Variants in PSD3 observed in about 807,000 individuals in gnomAD.
PSD3 encodes the protein PH and SEC7 domain-containing protein 3.
Under a neutral mutation model 105.5 loss-of-function variants are expected in PSD3, and 49 were observed. That is an observed-to-expected ratio of 0.46 (90% CI 0.37 to 0.59). The LOEUF is 0.59. PSD3 is among the 20% of genes least tolerant of loss of function. PSD3 has a pLI of 0.00. For synonymous variants in PSD3, 557 were observed against 457.8 expected (o/e 1.22, Z -2.77); for missense variants, 1,561 against 1,263.8 (o/e 1.24, Z -3.57).
At chr8:18,714,090 G>C (rs958841675) in intron 9 of PSD3, among the ~76,000 whole-genome samples, 1 of 152,106 alleles carries the variant, frequency 6.6e-6, no homozygotes, top group Non-Finnish European at 1.5e-5. Context: ...GCATAAAATT[G>C]AAACTGTACC....
At chr8:18,674,551 G>A (rs1378567301) in intron 9 of PSD3, among the ~76,000 whole-genome samples, 2 of 152,210 alleles carry the variant, frequency 1.3e-5, no homozygotes, top group Non-Finnish European at 2.9e-5. Context: ...TAATTTAAGA[G>A]TTAAGTTTTT....
intron 7 of PSD3, among the ~76,000 whole-genome samples, chr8:18,800,666 T>G (rs916640819): frequency 6.6e-6 from 1 of 152,194 alleles, no homozygotes; most frequent in African/African-American, 2.4e-5. Flanking sequence ...GTCACTTACT[T>G]TGTAAAAATA....
intron 1 of PSD3, among the ~76,000 whole-genome samples, chr8:18,966,464 G>A (rs374661388): frequency 1.2e-3 from 181 of 151,776 alleles, no homozygotes; most frequent in African/African-American, 4.2e-3. Flanking sequence ...CCAACTACTC[G>A]CAAGGCTGAG....
intron 1 of PSD3, among the ~76,000 whole-genome samples, chr8:19,011,606 T>A (rs1315528409): frequency 2.0e-5 from 3 of 152,340 alleles, no homozygotes; most frequent in South Asian, 4.1e-4. Context: ...CTCAATTTTT[T>A]AAATTACTAG....
chr8:19,030,899 T>C (rs1462678039), intron 1 of PSD3, among the ~76,000 whole-genome samples: 7 of 152,186 alleles, frequency 4.6e-5, no homozygotes, highest in Non-Finnish European at 8.8e-5. Context: ...AAGTCCCTCT[T>C]CTTCAACTCA....
At chr8:19,042,063 G>A (rs1019899178) in intron 1 of PSD3, among the ~76,000 whole-genome samples, 3 of 151,946 alleles carry the variant, frequency 2.0e-5, no homozygotes, top group Non-Finnish European at 4.4e-5. Context: ...TATTAAAATT[G>A]TTTTTATTTT....
At chr8:18,585,968 A>G (rs111450458) in intron 12 of PSD3, among the ~76,000 whole-genome samples, 2,091 of 152,060 alleles carry the variant, frequency 0.014, 56 homozygotes, top group African/African-American at 0.048. Flanking sequence ...GAGCCTTTTA[A>G]TGCTCTTCCA....
intron 14 of PSD3, among the ~76,000 whole-genome samples, chr8:18,563,318 CG>C (rs1801516446): frequency 6.6e-6 from 1 of 151,968 alleles, no homozygotes; most frequent in Non-Finnish European, 1.5e-5. Context: ...ACAGGATCTT[CG>C]GTAAACAGTA....
At chr8:18,821,556 C>T (rs1040834985) in intron 4 of PSD3, among the ~76,000 whole-genome samples, 2 of 151,828 alleles carry the variant, frequency 1.3e-5, no homozygotes, top group African/African-American at 4.9e-5. Context: ...CCTAACAAAA[C>T]TGAATAATAT....
rs933399079 is a variant in PSD3 at position 18,655,695 on chromosome 8, G to C, written c.2173-10C>G. On this transcript the variant is annotated splice_polypyrimidine_tract_variant and intron_variant, in intron 9 of 15. Transcript: ENST00000327040. ...TTGAGTTGTACAGAGCCTGTAAAGA[G>C]AGAAAATGAGATCACATTATTCTTT... The C allele has an allele frequency of 5.0e-6, 8 of 1,610,878 alleles. No individual in the cohort carries two copies. Among genetic ancestry groups the C allele is most frequent in the Admixed American group, 1.7e-5 (1 of 59,998 alleles).
intron 1 of PSD3, among the ~76,000 whole-genome samples, chr8:19,076,392 G>A (rs907112445): frequency 1.3e-5 from 2 of 152,126 alleles, no homozygotes; most frequent in Non-Finnish European, 2.9e-5. Context: ...ATAATAGTGA[G>A]AGGAGATAGG....
intron 1 of PSD3, among the ~76,000 whole-genome samples, chr8:19,071,305 T>G (rs960187808): frequency 6.0e-5 from 9 of 149,880 alleles, no homozygotes; most frequent in Non-Finnish European, 1.0e-4. Context: ...TGACCTCGAG[T>G]GATCCTCCCA....
At chr8:18,898,069 T>C (rs1463585449) in intron 2 of PSD3, among the ~76,000 whole-genome samples, 1 of 152,212 alleles carries the variant, frequency 6.6e-6, no homozygotes, top group Non-Finnish European at 1.5e-5. Flanking sequence ...GGTTTTCTCA[T>C]ATACGGCTTT....
At chr8:18,678,032 CA>C (rs1409592184) in intron 9 of PSD3, among the ~76,000 whole-genome samples, 3 of 147,526 alleles carry the variant, frequency 2.0e-5, no homozygotes, top group African/African-American at 7.5e-5. Context: ...ACAAAGTAAA[CA>C]AAAAAACCCA....
intron 8 of PSD3, among the ~76,000 whole-genome samples, chr8:18,772,801 C>T (rs192327909): frequency 1.2e-4 from 18 of 152,138 alleles, no homozygotes; most frequent in Non-Finnish European, 2.2e-4. Context: ...TGAGCCACTG[C>T]GCCCGGCCCT....
At chr8:18,762,867 TACA>T (rs1364056419) in intron 9 of PSD3, 2 of 1,188,386 alleles carry the variant, frequency 1.7e-6, no homozygotes, top group African/African-American at 1.6e-5. Context: ...AGAAAACAAC[TACA>T]ACAACAAAAA....
intron 10 of PSD3, among the ~76,000 whole-genome samples, chr8:18,647,025 G>A (rs530277164): frequency 9.2e-5 from 14 of 152,198 alleles, no homozygotes; most frequent in African/African-American, 2.2e-4. Context: ...CATCCCCCAA[G>A]AATACACACA....
In PSD3 at chr8:18,557,223, C is replaced by A. The variant is rs10093566; in HGVS notation, c.2785-871G>T. Among the ~76,000 whole-genome samples, 523 of 152,244 alleles carry A rather than the reference C, an allele frequency of 3.4e-3. 5 individuals are homozygous for A. The highest frequency in any genetic ancestry group is 0.012 in the African/African-American group (493 of 41,534). ...TTTCACATGCAAATTATCCAAATTT[C>A]ACAGGTACAATAAGATAAATGGGTA... is the stretch of plus-strand genomic sequence containing the variant. On this transcript the variant is annotated intron_variant, in intron 14 of 15. Transcript: ENST00000327040.
At chr8:18,785,915 T>C (rs1456410774) in intron 8 of PSD3, among the ~76,000 whole-genome samples, 1 of 152,200 alleles carries the variant, frequency 6.6e-6, no homozygotes, top group Non-Finnish European at 1.5e-5. Context: ...CTGTCTTATA[T>C]GGGAATGGTT....
Sources: allele counts gnomAD v4.1 joint callset (sites outside exome capture counted in the v4.1 genomes callset), GRCh38; gene constraint gnomAD v4.1.1; transcripts MANE v1.5; gene names NCBI Gene and HGNC (gene_info 2026-07-23, HGNC 2026-07-21).